The following SDK1 variants were observed in gnomAD, a reference collection of about 807,000 sequenced individuals.
SDK1 encodes the protein sidekick cell adhesion molecule 1.
A neutral mutation model predicts 245.5 loss-of-function variants in SDK1; 157 were observed. That is an observed-to-expected ratio of 0.64 (90% CI 0.56 to 0.73). SDK1 has a LOEUF of 0.73. Among genes scored for constraint, SDK1 ranks in the 30% least tolerant of loss-of-function variants. SDK1 has a pLI of 0.00. For missense variants in SDK1, 3,583 were observed against 3,002.3 expected, an observed-to-expected ratio of 1.19 and a Z score of -4.52; for synonymous variants, 1,647 against 1,278.5, an observed-to-expected ratio of 1.29 and a Z score of -6.15.
chr7:3,413,291 G>C (rs762066177), intron 1 of SDK1, among the ~76,000 whole-genome samples: 1 of 152,168 alleles, frequency 6.6e-6, no homozygotes, highest in Non-Finnish European at 1.5e-5. Flanking sequence ...GGGGAGCAGG[G>C]CATAGCCTGA....
At chr7:3,643,322 C>T (rs895327706) in intron 4 of SDK1, 5 of 152,138 alleles carry the variant, frequency 3.3e-5, no homozygotes, top group African/African-American at 7.3e-5. Flanking sequence ...CCACCCCTAC[C>T]TGAGCATCTG....
chr7:3,545,615 T>C (rs1342028324), intron 1 of SDK1, among the ~76,000 whole-genome samples: 3 of 152,198 alleles, frequency 2.0e-5, no homozygotes, highest in Admixed American at 2.0e-4. Context: ...ATTACATGAT[T>C]GAAATGAAAC....
rs1281597759 is a variant in SDK1, at chr7:4,051,788, G to A, written c.2869G>A (p.Gly957Arg). Residue 957 changes from glycine (G) to arginine (R), a missense_variant, in exon 19 of 45, where the codon GGG becomes AGG. Coordinates refer to ENST00000404826, the MANE Select transcript of SDK1 (RefSeq NM_152744.4). ...TCTGTGCTTCACCACCCCTGGGGAC[G>A]GGCCTCCCAGCACACCTCAGCTGGT... ...SVLCFTTPGDGPPSTPQLVWT... is the reference protein window; with the variant it reads ...SVLCFTTPGDRPPSTPQLVWT... 4 of 1,613,510 alleles carry A rather than the reference G, an allele frequency of 2.5e-6. No homozygotes were observed. The highest frequency in any genetic ancestry group is 3.4e-6 in the Non-Finnish European group (4 of 1,179,804).
At chr7:3,892,830 C>T (rs544136760) in intron 5 of SDK1, among the ~76,000 whole-genome samples, 4 of 152,176 alleles carry the variant, frequency 2.6e-5, no homozygotes, top group African/African-American at 7.2e-5. Context: ...ACCCGTATCC[C>T]TGCAGCAAGC....
At chr7:4,037,962 A>G (rs1788337813) in intron 17 of SDK1, among the ~76,000 whole-genome samples, 1 of 152,118 alleles carries the variant, frequency 6.6e-6, no homozygotes, top group African/African-American at 2.4e-5. Context: ...CATCCCCAGC[A>G]GTTTGTCTGG....
intron 14 of SDK1, among the ~76,000 whole-genome samples, chr7:4,006,661 A>G (rs1785508657): frequency 6.6e-6 from 1 of 152,192 alleles, no homozygotes; most frequent in Admixed American, 6.5e-5. Flanking sequence ...ATTAGTTTTC[A>G]CTTTAATCTC....
intron 1 of SDK1, among the ~76,000 whole-genome samples, chr7:3,480,496 A>C (rs1445302773): frequency 3.3e-5 from 5 of 152,104 alleles, no homozygotes; most frequent in African/African-American, 1.2e-4. Context: ...CTCATGTAGG[A>C]ACTACCGGAA....
chr7:3,341,476 C>CA (rs1172088171), intron 1 of SDK1, among the ~76,000 whole-genome samples: 1 of 152,000 alleles, frequency 6.6e-6, no homozygotes, highest in Non-Finnish European at 1.5e-5. Context: ...CTTTGCTGTC[C>CA]AAAACAGTAG....
intron 4 of SDK1, among the ~76,000 whole-genome samples, chr7:3,746,499 G>A (rs754223449): frequency 2.0e-5 from 3 of 152,276 alleles, no homozygotes; most frequent in Admixed American, 6.5e-5. Flanking sequence ...ATAGTAGAAC[G>A]TCTTCCAAAA....
intron 17 of SDK1, among the ~76,000 whole-genome samples, chr7:4,037,684 G>T (rs530997938): frequency 6.6e-6 from 1 of 152,022 alleles, no homozygotes; most frequent in Non-Finnish European, 1.5e-5. Flanking sequence ...TTTTCACAAA[G>T]CAAAAAGCAA....
At chr7:3,802,711 G>A (rs1028147157) in intron 4 of SDK1, among the ~76,000 whole-genome samples, 1 of 152,052 alleles carries the variant, frequency 6.6e-6, no homozygotes, top group Non-Finnish European at 1.5e-5. Context: ...CCCTACATTA[G>A]GTGACCTTTT....
rs181499302 is a variant in SDK1, at chr7:3,968,643, A to G, written c.1547-614A>G. Among the ~76,000 whole-genome samples, 203 of 152,350 alleles carry G rather than the reference A, an allele frequency of 1.3e-3. 1 individual carries two copies. Among genetic ancestry groups the G allele is most frequent in the Middle Eastern group, 0.01 (3 of 294 alleles). ...AGAAAACTAAAAACCGATCACCCAAACATAGCAATCACGTTCATGGATCAT... is the reference window on the plus strand; with the variant it reads ...AGAAAACTAAAAACCGATCACCCAAGCATAGCAATCACGTTCATGGATCAT... On this transcript the variant is annotated intron_variant, in intron 10 of 44. Transcript: ENST00000404826.
chr7:3,323,242 C>T (rs1037137001), intron 1 of SDK1, among the ~76,000 whole-genome samples: 3 of 152,276 alleles, frequency 2.0e-5, no homozygotes, highest in Non-Finnish European at 1.5e-5. Context: ...CTTCAAAAGA[C>T]GTTATTCATT....
intron 40 of SDK1, among the ~76,000 whole-genome samples, chr7:4,227,784 G>C (rs1348311605): frequency 3.9e-5 from 6 of 152,206 alleles, no homozygotes; most frequent in African/African-American, 1.2e-4. Context: ...ACCCTTCGAC[G>C]TGCTGCGCTG....
In SDK1 at chr7:3,837,977, C is replaced by T. The variant is rs544408109; in HGVS notation, c.847+16394C>T. On this transcript the variant is annotated intron_variant, in intron 5 of 44. Transcript: ENST00000404826. ...GTCCTGACCAGGAAGACTTGGACTC[C>T]CAGGTCCCCTTGAGAGCCCTTGCAC... Among the ~76,000 whole-genome samples the T allele has an allele frequency of 2.6e-5, 4 of 152,230 alleles. No homozygotes were observed. In the South Asian group the frequency reaches 8.3e-4, roughly 32 times the overall value.
chr7:3,716,997 A>C (rs1466285509), intron 4 of SDK1, among the ~76,000 whole-genome samples: 1 of 152,140 alleles, frequency 6.6e-6, no homozygotes, highest in Non-Finnish European at 1.5e-5. Flanking sequence ...TTTGAAGAAA[A>C]AAAATTTAAT....
rs181102066 is a variant in SDK1, at chr7:4,058,214, G to A, written c.2911+6384G>A. Among the ~76,000 whole-genome samples the A allele has an allele frequency of 3.9e-3, 597 of 152,032 alleles. 6 individuals are homozygous for A. Among genetic ancestry groups the A allele is most frequent in the African/African-American group, 0.014 (565 of 41,476 alleles). ...CCAAAGAGATAAATATTATAAAAAA[G>A]AACCAAACAGATATCCAGGAACTAA... On this transcript the variant is annotated intron_variant, in intron 19 of 44. Transcript: ENST00000404826.
chr7:3,807,903 G>A (rs1379455605), intron 4 of SDK1, among the ~76,000 whole-genome samples: 1 of 152,152 alleles, frequency 6.6e-6, no homozygotes, highest in Non-Finnish European at 1.5e-5. Flanking sequence ...CCAACTGTAT[G>A]TACCAATCAC....
chr7:3,800,391 T>TTATTTATTTATG (rs1779077946), intron 4 of SDK1, among the ~76,000 whole-genome samples: 1 of 151,928 alleles, frequency 6.6e-6, no homozygotes, highest in African/African-American at 2.4e-5. Flanking sequence ...ATTTATTTAT[T>TTATTTATTTATG]TATTTATTGA....
Sources: allele counts gnomAD v4.1 joint callset (sites outside exome capture counted in the v4.1 genomes callset), GRCh38; gene constraint gnomAD v4.1.1; transcripts MANE v1.5; gene names NCBI Gene and HGNC (gene_info 2026-07-23, HGNC 2026-07-21).